GRK3: variants seen among roughly 807,000 people sequenced by gnomAD.
GRK3 encodes the protein adrenergic, beta, receptor kinase 2.
Under a neutral mutation model 95.7 loss-of-function variants are expected in GRK3, and 54 were observed. That is an observed-to-expected ratio of 0.56 (90% CI 0.45 to 0.71). The LOEUF (loss-of-function observed/expected upper bound fraction) is 0.71. Among genes scored for constraint, GRK3 ranks in the 30% least tolerant of loss-of-function variants. GRK3 has a pLI of 0.00. For missense variants in GRK3, 649 were observed against 851.2 expected (o/e 0.76, Z 2.96); for synonymous variants, 281 against 290.8 (o/e 0.97, Z 0.34).
chr22:25,620,737 G>T (rs546501277), intron 2 of GRK3, among the ~76,000 whole-genome samples: 1 of 152,174 alleles, frequency 6.6e-6, no homozygotes, highest in South Asian at 2.1e-4. Flanking sequence ...TCCATCTAAG[G>T]GTCCTCAGAA....
At chr22:25,718,026 A>G (rs957328015) in intron 18 of GRK3, among the ~76,000 whole-genome samples, 6 of 152,218 alleles carry the variant, frequency 3.9e-5, no homozygotes, top group African/African-American at 1.2e-4. Flanking sequence ...TTGAGAAGCA[A>G]TCATTTACTG....
chr22:25,719,363 C>G (rs1001708613), intron 19 of GRK3, among the ~76,000 whole-genome samples: 3 of 152,184 alleles, frequency 2.0e-5, no homozygotes, highest in Admixed American at 6.5e-5. Context: ...CCCTCAGTCT[C>G]TCCATTGTAC....
chr22:25,675,822 CT>C (rs1294007340), intron 8 of GRK3, among the ~76,000 whole-genome samples: 1 of 152,186 alleles, frequency 6.6e-6, no homozygotes, highest in Non-Finnish European at 1.5e-5. Flanking sequence ...CATTGGTTGT[CT>C]TTCTACTCTG....
At chr22:25,653,956 G>T (rs1223445202) in intron 3 of GRK3, among the ~76,000 whole-genome samples, 1 of 152,154 alleles carries the variant, frequency 6.6e-6, no homozygotes, top group East Asian at 1.9e-4. Context: ...CAAAGTGCTG[G>T]GATTACAGGC....
intron 2 of GRK3, among the ~76,000 whole-genome samples, chr22:25,622,906 T>C (rs544151953): frequency 6.6e-6 from 1 of 152,136 alleles, no homozygotes; most frequent in Admixed American, 6.5e-5. Flanking sequence ...GTTTCTGTAA[T>C]TTAGGGGAAT....
In GRK3 at chr22:25,695,152, G is replaced by A. The variant is rs985300648; in HGVS notation, c.1098G>A (p.Thr366=). The A allele has an allele frequency of 2.5e-5, 40 of 1,614,000 alleles. No individual in the cohort carries two copies. The highest frequency in any genetic ancestry group is 3.3e-5 in the South Asian group (3 of 91,088). The change falls in exon 13 of 21, where the codon ACG becomes ACA. Residue 366 remains threonine, a synonymous_variant. Transcript: ENST00000324198. ...YMAPEVLQKG[T]AYDSSADWFS... ...CTCCCGAGGTGCTGCAGAAGGGGAC[G>A]GCCTATGACAGCAGTGCCGACTGGT...
intron 9 of GRK3, 89 bp downstream of exon 9, chr22:25,679,004 C>A: frequency 1.1e-6 from 1 of 873,514 alleles, no homozygotes; most frequent in South Asian, 1.8e-5. Context: ...TAGCTGATTG[C>A]AAGGCCAGTG....
At chr22:25,679,733 A>C (rs558707854) in intron 9 of GRK3, among the ~76,000 whole-genome samples, 2 of 152,282 alleles carry the variant, frequency 1.3e-5, no homozygotes, top group Admixed American at 1.3e-4. Context: ...GAGTCAGGAC[A>C]GAGAGGGAGA....
At chr22:25,712,519 C>T (rs1258615267) in intron 17 of GRK3, among the ~76,000 whole-genome samples, 5 of 152,220 alleles carry the variant, frequency 3.3e-5, no homozygotes, top group Non-Finnish European at 5.9e-5. Context: ...AACACTATTA[C>T]GTGGGTGCCC....
intron 3 of GRK3, among the ~76,000 whole-genome samples, chr22:25,659,076 C>T (rs1352164633): frequency 6.6e-6 from 1 of 151,996 alleles, no homozygotes; most frequent in African/African-American, 2.4e-5. Flanking sequence ...CATAGCTTTA[C>T]CTAGGGAGAA....
At chr22:25,703,440 A>C in intron 13 of GRK3, 70 bp from the exon 14 acceptor site, 1 of 1,212,906 alleles carries the variant, frequency 8.2e-7, no homozygotes, top group South Asian at 1.3e-5. Context: ...CTTTACCCAA[A>C]TATTAGTCAG....
intron 1 of GRK3, among the ~76,000 whole-genome samples, chr22:25,598,896 C>G (rs1205064319): frequency 6.6e-6 from 1 of 151,962 alleles, no homozygotes; most frequent in Non-Finnish European, 1.5e-5. Context: ...GGGGAGAAAT[C>G]CTCACATTTA....
chr22:25,659,677 ACT>A, intron 3 of GRK3, among the ~76,000 whole-genome samples: 1 of 152,204 alleles, frequency 6.6e-6, no homozygotes, highest in African/African-American at 2.4e-5. Flanking sequence ...TTGGTAGTCG[ACT>A]GCATGGTCTT....
chr22:25,586,871 T>C (rs1296901168), intron 1 of GRK3, among the ~76,000 whole-genome samples: 1 of 152,096 alleles, frequency 6.6e-6, no homozygotes. Context: ...GGTTTGGACG[T>C]TGGGCAAAGC....
chr22:25,656,382 T>A (rs2084871206), intron 3 of GRK3, among the ~76,000 whole-genome samples: 1 of 152,178 alleles, frequency 6.6e-6, no homozygotes, highest in African/African-American at 2.4e-5. Flanking sequence ...AGTGGTGCAA[T>A]CATGGCTCCC....
chr22:25,646,648 A>C (rs2084784560), intron 3 of GRK3, among the ~76,000 whole-genome samples: 1 of 152,358 alleles, frequency 6.6e-6, no homozygotes, highest in East Asian at 1.9e-4. Context: ...TAAAATAGCC[A>C]TGGTGAGCAG....
intron 3 of GRK3, 132 bp downstream of exon 3, chr22:25,644,797 A>G (rs1389333412): frequency 6.0e-6 from 3 of 497,500 alleles, no homozygotes; most frequent in South Asian, 3.9e-5. Context: ...AGTGCAAAAT[A>G]TAGTATCAAG....
intron 1 of GRK3, among the ~76,000 whole-genome samples, chr22:25,579,447 A>G (rs377418861): frequency 1.3e-5 from 2 of 151,798 alleles, no homozygotes; most frequent in East Asian, 1.9e-4. Flanking sequence ...TGCCCGACCA[A>G]TGAATGAGGG....
At chr22:25,590,968 C>T (rs1423044241) in intron 1 of GRK3, among the ~76,000 whole-genome samples, 2 of 152,122 alleles carry the variant, frequency 1.3e-5, no homozygotes, top group East Asian at 1.9e-4. Flanking sequence ...ACCAGCTGGG[C>T]GTTCTACAAT....
Sources: allele counts gnomAD v4.1 joint callset (sites outside exome capture counted in the v4.1 genomes callset), GRCh38; gene constraint gnomAD v4.1.1; transcripts MANE v1.5; gene names NCBI Gene and HGNC (gene_info 2026-07-23, HGNC 2026-07-21).